The following CLDN14 variants were observed in gnomAD, a reference collection of about 807,000 sequenced individuals.
CLDN14 encodes the protein claudin 14, also known as claudin-14.
A neutral mutation model predicts 2.1 loss-of-function variants in CLDN14; 2 were observed. The observed-to-expected ratio is 0.96, with a 90% CI of 0.39 to 3.01. CLDN14 has a LOEUF of 3.01. Ranked by LOEUF, CLDN14 falls within the 30% of genes most tolerant of loss-of-function variation. The pLI, the probability that CLDN14 is intolerant of heterozygous loss-of-function variation, is 0.09. For synonymous variants in CLDN14, 136 were observed against 154.4 expected (o/e 0.88, Z 0.88); for missense variants, 298 against 328.0 (o/e 0.91, Z 0.71).
intron 1 of CLDN14, among the ~76,000 whole-genome samples, chr21:36,570,190 A>C (rs1601640890): frequency 6.6e-6 from 1 of 152,246 alleles, no homozygotes; most frequent in African/African-American, 2.4e-5. Flanking sequence ...ACCTGGAATC[A>C]ATAGAACAGA....
intron 2 of CLDN14, among the ~76,000 whole-genome samples, chr21:36,488,407 G>T (rs2086922514): frequency 6.6e-6 from 1 of 152,066 alleles, no homozygotes; most frequent in Admixed American, 6.6e-5. Context: ...GAGTAGCTGG[G>T]ATTACAGGCA....
chr21:36,514,620 AAAGTGT>A (rs1486827134), intron 1 of CLDN14, among the ~76,000 whole-genome samples: 21 of 10,024 alleles, frequency 2.1e-3, no homozygotes, highest in South Asian at 8.3e-3. Flanking sequence ...ATCGTGAGAG[AAAGTGT>A]GTGTGTGTGT....
chr21:36,549,130 C>T (rs766067608), intron 1 of CLDN14, among the ~76,000 whole-genome samples: 1 of 151,550 alleles, frequency 6.6e-6, no homozygotes, highest in Non-Finnish European at 1.5e-5. Flanking sequence ...ATGACACAGA[C>T]GATTCATAGC....
Position 36,498,185 on chromosome 21 carries a change from G to A in CLDN14, c.-82+12178C>T, listed in dbSNP as rs1020143773. 4.6e-5 allele frequency among the ~76,000 whole-genome samples: 7 copies of A among 152,096 alleles called. No individual in the cohort carries two copies. Among genetic ancestry groups the A allele is most frequent in the Non-Finnish European group, 1.0e-4 (7 of 68,026 alleles). ...CCAGCTAATTTTTGTATTCTTAGTA[G>A]AGATGGGGTTTTGCCATATTGGCCA... On this transcript the variant is annotated intron_variant, in intron 2 of 2. Coordinates refer to the CLDN14 transcript ENST00000342108. The surrounding 1 kb of genome is among the most constrained non-coding windows in gnomAD (Gnocchi z 4.9).
chr21:36,534,891 C>A (rs530576169), intron 1 of CLDN14, among the ~76,000 whole-genome samples: 1 of 152,120 alleles, frequency 6.6e-6, no homozygotes, highest in African/African-American at 2.4e-5. Flanking sequence ...ATGCAACCAT[C>A]TCCCTCCCTG....
Position 36,537,651 on chromosome 21 carries a change from C to CTTTTTT in CLDN14, c.-219-27152_-219-27151insAAAAAA, listed in dbSNP as rs371651908. Reference sequence around the variant, plus strand: ...CTTCTTTTTTCTTTGTTTTTCTTTTCTTTTCTTTTTTTTTTTGAGACGGAG... The same window carrying CTTTTTT: ...CTTCTTTTTTCTTTGTTTTTCTTTTCTTTTTTTTTTCTTTTTTTTTTTGAGACGGAG... On this transcript the variant is annotated intron_variant, in intron 1 of 2. Transcript: ENST00000342108. Among the ~76,000 whole-genome samples the CTTTTTT allele has an allele frequency of 1.1e-4, 16 of 143,658 alleles. 4 individuals carry two copies. Among genetic ancestry groups the CTTTTTT allele is most frequent in the South Asian group, 2.2e-4 (1 of 4,580 alleles). 94.2% of individuals were successfully genotyped at this position (143,658 alleles called of 152,430 possible).
At position 36,461,208 on chromosome 21, in the gene CLDN14, G is replaced by A. The variant is rs143797113; in HGVS notation, c.488C>T (p.Ala163Val). 7.1e-4 allele frequency: 1,149 copies of A among 1,614,124 alleles called. 1 individual carries two copies. The highest frequency in any genetic ancestry group is 9.3e-4 in the Non-Finnish European group (1,102 of 1,180,008). The change falls in exon 2 of 2, where the codon GCC becomes GTC. Residue 163 changes from alanine to valine, a missense_variant. Physicochemically the swap from Ala to Val is moderately conservative, Grantham distance 64. Transcript: ENST00000399135. ...PSGMKFEIGQ[A>V]LYLGFISSSL... Reference sequence around the variant, plus strand: ...CGAGGAGATGAAGCCCAGGTACAGGGCCTGGCCAATCTCAAACTTCATGCC... The same window carrying A: ...CGAGGAGATGAAGCCCAGGTACAGGACCTGGCCAATCTCAAACTTCATGCC...
intron 1 of CLDN14, among the ~76,000 whole-genome samples, chr21:36,559,422 C>T (rs910067189): frequency 2.6e-5 from 4 of 152,180 alleles, no homozygotes; most frequent in Non-Finnish European, 5.9e-5. Context: ...GTCTTGAACT[C>T]CTGACCTCAG....
chr21:36,572,754 G>C (rs2087718215), intron 1 of CLDN14, among the ~76,000 whole-genome samples: 2 of 152,108 alleles, frequency 1.3e-5, no homozygotes, highest in African/African-American at 4.8e-5. Context: ...TTAACTTTGG[G>C]ACCTGACATG....
chr21:36,480,695 A>G (rs1568850745), upstream of CLDN14: 1 of 152,182 alleles, frequency 6.6e-6, no homozygotes, highest in Non-Finnish European at 1.5e-5. Context: ...TCTGGAATTG[A>G]GAAGTGTGCT....
chr21:36,512,219 A>G (rs954492513), intron 1 of CLDN14, among the ~76,000 whole-genome samples: 3 of 152,160 alleles, frequency 2.0e-5, no homozygotes, highest in Non-Finnish European at 4.4e-5. Context: ...GGAGATTAAC[A>G]ACTCTCCCAT....
chr21:36,507,625 GT>G (rs1438954871), intron 2 of CLDN14, among the ~76,000 whole-genome samples: 1 of 152,176 alleles, frequency 6.6e-6, no homozygotes, highest in Admixed American at 6.5e-5. Context: ...TTAGTTGGGT[GT>G]GGTGGCACGC....
At position 36,551,749 on chromosome 21, in the gene CLDN14, G is replaced by A. The variant is rs1042580685; in HGVS notation, c.-220+24662C>T. 1.3e-5 allele frequency among the ~76,000 whole-genome samples: 2 copies of A among 152,112 alleles called. No individual in the cohort carries two copies. Among genetic ancestry groups the A allele is most frequent in the African/African-American group, 2.4e-5 (1 of 41,408 alleles). ...TCACAGCAGGGGGACAAATTTTCACGTGAAAAGAACAATCACATCAAGCAA... is the reference window on the plus strand; with the variant it reads ...TCACAGCAGGGGGACAAATTTTCACATGAAAAGAACAATCACATCAAGCAA... On this transcript the variant is annotated intron_variant, in intron 1 of 2. Transcript: ENST00000342108. This position sits in a 1 kb window ranked among gnomAD's most constrained non-coding sequence, Gnocchi z 4.8.
chr21:36,554,922 C>A (rs1011565241), intron 1 of CLDN14, among the ~76,000 whole-genome samples: 1 of 152,214 alleles, frequency 6.6e-6, no homozygotes, highest in Non-Finnish European at 1.5e-5. Context: ...CTGACACATG[C>A]CATTCCCCAA....
intron 1 of CLDN14, among the ~76,000 whole-genome samples, chr21:36,472,821 C>T (rs985504416): frequency 3.3e-5 from 5 of 152,120 alleles, no homozygotes; most frequent in Admixed American, 6.5e-5. Context: ...TTTTAGAGCA[C>T]GAATCTCATT....
chr21:36,491,303 T>C (rs1242550572), intron 2 of CLDN14, among the ~76,000 whole-genome samples: 1 of 152,140 alleles, frequency 6.6e-6, no homozygotes, highest in African/African-American at 2.4e-5. Flanking sequence ...TGTGTTCAGC[T>C]CTTAATAACC....
At chr21:36,494,642 G>A (rs1171671616) in intron 2 of CLDN14, among the ~76,000 whole-genome samples, 1 of 152,158 alleles carries the variant, frequency 6.6e-6, no homozygotes, top group Non-Finnish European at 1.5e-5. Flanking sequence ...TCTGACTGGT[G>A]TCCTCCCAGG....
chr21:36,489,189 G>T (rs1167533013), intron 2 of CLDN14, among the ~76,000 whole-genome samples: 2 of 141,230 alleles, frequency 1.4e-5, no homozygotes, highest in East Asian at 4.1e-4. Flanking sequence ...GAGAATGGGG[G>T]GCGGGAGAGA....
chr21:36,460,653 C>A lies in CLDN14; in HGVS notation c.*323G>T. ...AACAGCCACATCCGCAAGGTTTATTCCTGGATCACAAACCAACCCCACTGA... is the reference window on the plus strand; with the variant it reads ...AACAGCCACATCCGCAAGGTTTATTACTGGATCACAAACCAACCCCACTGA... On this transcript the variant is annotated 3_prime_UTR_variant, in exon 2 of 2. Transcript: ENST00000399135. This position sits in a 1 kb window ranked among gnomAD's most constrained non-coding sequence, Gnocchi z 4.0. 3.3e-6 allele frequency: 1 copy of A among 303,968 alleles called. No individual in the cohort carries two copies. The highest frequency in any genetic ancestry group is 6.3e-6 in the Non-Finnish European group (1 of 159,102). 18.8% of individuals were successfully genotyped at this position (303,968 alleles called of 1,614,324 possible).
Sources: allele counts gnomAD v4.1 joint callset (sites outside exome capture counted in the v4.1 genomes callset), GRCh38; gene constraint gnomAD v4.1.1; non-coding constraint Gnocchi (gnomAD v3.1); transcripts MANE v1.5; gene names NCBI Gene and HGNC (gene_info 2026-07-23, HGNC 2026-07-21).